The following SDHC variants were observed in gnomAD, a reference collection of about 807,000 sequenced individuals.
SDHC encodes the protein succinate dehydrogenase complex subunit C.
SDHC carries 11 observed loss-of-function variants against 22.6 expected under a neutral mutation model. The ratio of observed to expected loss-of-function variants is 0.49; its 90% CI spans 0.31 to 0.81. The LOEUF is 0.81. Ranked by LOEUF, SDHC falls within the 30% of genes least tolerant of loss-of-function variation. The pLI, the probability that SDHC is intolerant of heterozygous loss-of-function variation, is 0.05. For missense variants in SDHC, 160 were observed against 212.0 expected (o/e 0.75, Z 1.52); for synonymous variants, 80 against 77.8 (o/e 1.03, Z -0.15).
chr1:161,328,269 T>G, intron 2 of SDHC, 127 bp from the exon 3 acceptor site: 10 of 778,430 alleles, frequency 1.3e-5, no homozygotes, highest in East Asian at 2.6e-5. Flanking sequence ...CCCAAAGAGC[T>G]GAGATTACAG....
intron 1 of SDHC, among the ~76,000 whole-genome samples, chr1:161,322,398 C>A (rs1670869068): frequency 6.6e-6 from 1 of 151,924 alleles, no homozygotes; most frequent in African/African-American, 2.4e-5. Context: ...TTTTTTTATT[C>A]CCATTTTTTT....
intron 3 of SDHC, among the ~76,000 whole-genome samples, chr1:161,328,783 CA>C: frequency 6.6e-6 from 1 of 152,242 alleles, no homozygotes. Flanking sequence ...TTAATTAAAA[CA>C]TTTTTGAAAC....
At chr1:161,360,545 G>A (rs562207187) in intron 5 of SDHC, among the ~76,000 whole-genome samples, 1 of 124,342 alleles carries the variant, frequency 8.0e-6, no homozygotes, top group Non-Finnish European at 1.9e-5. Context: ...GACAAAGTGA[G>A]ACCCTGTCTC....
chr1:161,340,458 C>T (rs1219515432), intron 3 of SDHC, 136 bp from the exon 4 acceptor site: 4 of 715,768 alleles, frequency 5.6e-6, no homozygotes, highest in Non-Finnish European at 9.5e-6. Context: ...GGCAACAGAG[C>T]GAGACTCTGT....
intron 4 of SDHC, among the ~76,000 whole-genome samples, chr1:161,345,203 C>T (rs1414035815): frequency 6.6e-6 from 1 of 152,188 alleles, no homozygotes; most frequent in Non-Finnish European, 1.5e-5. Flanking sequence ...AAATTATTTC[C>T]TACCTGAGAG....
intron 3 of SDHC, 56 bp from the exon 4 acceptor site, chr1:161,340,538 T>C: frequency 6.8e-7 from 1 of 1,464,132 alleles, no homozygotes; most frequent in Admixed American, 1.7e-5. Context: ...AGATAGACTC[T>C]CTACTATGGT....
At chr1:161,358,557 A>C (rs1370077163) in intron 5 of SDHC, among the ~76,000 whole-genome samples, 3 of 151,912 alleles carry the variant, frequency 2.0e-5, no homozygotes, top group Non-Finnish European at 4.4e-5. Context: ...GGATCGAATG[A>C]GCCTGGGAGG....
intron 4 of SDHC, among the ~76,000 whole-genome samples, chr1:161,343,629 T>G (rs897838413): frequency 6.6e-6 from 1 of 152,180 alleles, no homozygotes; most frequent in Non-Finnish European, 1.5e-5. Context: ...AACTGTAGAT[T>G]CATAATTACT....
chr1:161,333,543 A>C (rs1671361860), intron 3 of SDHC, among the ~76,000 whole-genome samples: 2 of 152,158 alleles, frequency 1.3e-5, no homozygotes, highest in South Asian at 4.1e-4. Flanking sequence ...AGCTGGGACT[A>C]CAGGCATGCG....
At chr1:161,317,792 C>T (rs1670682361) in intron 1 of SDHC, among the ~76,000 whole-genome samples, 2 of 151,246 alleles carry the variant, frequency 1.3e-5, no homozygotes, top group Admixed American at 6.6e-5. Flanking sequence ...AACTCCTGAC[C>T]TCAGGTGATC....
chr1:161,318,887 T>G (rs899823072), intron 1 of SDHC, among the ~76,000 whole-genome samples: 1 of 151,778 alleles, frequency 6.6e-6, no homozygotes, highest in Non-Finnish European at 1.5e-5. Context: ...TACAAAAATT[T>G]GCTGGGCGTG....
At chr1:161,323,560 A>AT in intron 1 of SDHC, 54 bp from the exon 2 acceptor site, 1 of 1,346,518 alleles carries the variant, frequency 7.4e-7, no homozygotes, top group Non-Finnish European at 1.1e-6. Context: ...AGAAGTTGAT[A>AT]TACTAAAGTT....
At chr1:161,319,818 A>G (rs752335813) in intron 1 of SDHC, among the ~76,000 whole-genome samples, 14 of 152,196 alleles carry the variant, frequency 9.2e-5, no homozygotes, top group Admixed American at 1.3e-4. Flanking sequence ...CAGCATGAGC[A>G]AAGGCATGTG....
At chr1:161,340,288 CG>C (rs1396491681) in intron 3 of SDHC, among the ~76,000 whole-genome samples, 1 of 146,834 alleles carries the variant, frequency 6.8e-6, no homozygotes, top group Non-Finnish European at 1.5e-5. Context: ...GACCCTGTTC[CG>C]GGGGGGTAAA....
intron 3 of SDHC, among the ~76,000 whole-genome samples, chr1:161,335,758 G>A (rs1421892322): frequency 3.3e-5 from 5 of 152,048 alleles, no homozygotes; most frequent in Non-Finnish European, 1.5e-5. Context: ...ATATATGTAT[G>A]CAATCTCTGT....
chr1:161,349,295 T>G (rs1279131831), intron 4 of SDHC, among the ~76,000 whole-genome samples: 1 of 152,016 alleles, frequency 6.6e-6, no homozygotes, highest in East Asian at 1.9e-4. Flanking sequence ...AAATCCCATC[T>G]CTACTAAAAA....
chr1:161,323,782 G>A lies in SDHC; in HGVS notation c.77+112G>A, dbSNP rs1455659712. The A allele has an allele frequency of 1.2e-4, 88 of 730,856 alleles. No homozygotes were observed. In the East Asian group the frequency reaches 2.2e-3, roughly 19 times the overall value. The allele number at this position is 730,856 out of a possible 1,614,324, so 45.3% of individuals were successfully genotyped here. On this transcript the variant is annotated intron_variant, in intron 2 of 5. Transcript: ENST00000367975. ...GCGATCTCGGCTCACTGCAAGCGCCGCCTCTTGGGTTCACGCCATTCTCCT... is the reference window on the plus strand; with the variant it reads ...GCGATCTCGGCTCACTGCAAGCGCCACCTCTTGGGTTCACGCCATTCTCCT...
At chr1:161,344,826 A>C (rs1020033033) in intron 4 of SDHC, among the ~76,000 whole-genome samples, 1 of 152,180 alleles carries the variant, frequency 6.6e-6, no homozygotes, top group Non-Finnish European at 1.5e-5. Context: ...AGGATGAAAA[A>C]CATGATACCT....
intron 4 of SDHC, among the ~76,000 whole-genome samples, chr1:161,349,090 A>G (rs1672010170): frequency 6.6e-6 from 1 of 152,154 alleles, no homozygotes; most frequent in African/African-American, 2.4e-5. Flanking sequence ...ATATATACAG[A>G]TATTCATGTA....
Sources: allele counts gnomAD v4.1 joint callset (sites outside exome capture counted in the v4.1 genomes callset), GRCh38; gene constraint gnomAD v4.1.1; transcripts MANE v1.5; gene names NCBI Gene and HGNC (gene_info 2026-07-23, HGNC 2026-07-21).